Variants in LRMDA observed in about 807,000 individuals in gnomAD.
The protein encoded by LRMDA is leucine rich melanocyte differentiation associated.
A neutral mutation model predicts 29.8 loss-of-function variants in LRMDA; 18 were observed. The observed-to-expected ratio is 0.60, with a 90% CI of 0.42 to 0.90. The LOEUF (loss-of-function observed/expected upper bound fraction) is 0.90, where lower values mean the gene tolerates loss of function less well. Among genes scored for constraint, LRMDA ranks in the 40% least tolerant of loss-of-function variants. The pLI, the probability that LRMDA is intolerant of heterozygous loss-of-function variation, is 0.00. For missense variants in LRMDA, 273 were observed against 273.9 expected, an observed-to-expected ratio of 1.00 and a Z score of 0.02; for synonymous variants, 125 against 109.4, an observed-to-expected ratio of 1.14 and a Z score of -0.89.
intron 2 of LRMDA, among the ~76,000 whole-genome samples, chr10:75,473,487 C>G (rs1199397899): frequency 6.6e-6 from 1 of 152,236 alleles, no homozygotes; most frequent in Non-Finnish European, 1.5e-5. Context: ...GCCTTGCATG[C>G]CAGTCTTGCG....
At chr10:75,762,892 ACT>A (rs1477245055) in intron 2 of LRMDA, among the ~76,000 whole-genome samples, 1 of 151,998 alleles carries the variant, frequency 6.6e-6, no homozygotes, top group Non-Finnish European at 1.5e-5. Context: ...TTTCTACCAC[ACT>A]CTGCCAGTGG....
At chr10:76,086,719 C>T (rs1010216943) in intron 5 of LRMDA, among the ~76,000 whole-genome samples, 2 of 152,138 alleles carry the variant, frequency 1.3e-5, no homozygotes, top group African/African-American at 4.8e-5. Context: ...AGAACTTGAG[C>T]TTTCAGTCCT....
intron 6 of LRMDA, among the ~76,000 whole-genome samples, chr10:76,412,934 C>G (rs1314598216): frequency 6.6e-6 from 1 of 152,078 alleles, no homozygotes; most frequent in Non-Finnish European, 1.5e-5. Context: ...CTCCTAGTCC[C>G]CTGACTTCCT....
chr10:76,308,228 AC>A (rs1283164380), intron 5 of LRMDA, among the ~76,000 whole-genome samples: 1 of 152,086 alleles, frequency 6.6e-6, no homozygotes, highest in Non-Finnish European at 1.5e-5. Flanking sequence ...GGTCCCTTCA[AC>A]CTTCTCTTTA....
At chr10:75,729,792 T>G (rs1484021956) in intron 2 of LRMDA, among the ~76,000 whole-genome samples, 9 of 152,114 alleles carry the variant, frequency 5.9e-5, no homozygotes, top group Admixed American at 5.9e-4. Context: ...TTGTTGTTGT[T>G]TTTGTTGTTA....
chr10:75,915,058 A>C (rs1292111180), intron 2 of LRMDA, among the ~76,000 whole-genome samples: 1 of 149,202 alleles, frequency 6.7e-6, no homozygotes, highest in Admixed American at 6.7e-5. Flanking sequence ...CTATAGCTTT[A>C]TATTATAATG....
At chr10:76,300,502 T>C (rs1304308680) in intron 5 of LRMDA, among the ~76,000 whole-genome samples, 1 of 152,228 alleles carries the variant, frequency 6.6e-6, no homozygotes, top group Non-Finnish European at 1.5e-5. Flanking sequence ...TGTGTTCTCA[T>C]CTGTCTAATA....
At chr10:76,540,955 TATGTGGAA>T (rs1843347085) in intron 6 of LRMDA, among the ~76,000 whole-genome samples, 1 of 152,180 alleles carries the variant, frequency 6.6e-6, no homozygotes, top group Non-Finnish European at 1.5e-5. Flanking sequence ...CCCAGTGGTA[TATGTGGAA>T]ATTCTTGCTG....
intron 2 of LRMDA, among the ~76,000 whole-genome samples, chr10:75,848,833 G>T (rs530509818): frequency 6.6e-6 from 1 of 152,136 alleles, no homozygotes; most frequent in Non-Finnish European, 1.5e-5. Flanking sequence ...TTCTCTTTGG[G>T]AGGGAAAAGT....
intron 2 of LRMDA, among the ~76,000 whole-genome samples, chr10:75,752,140 A>G (rs1322167797): frequency 6.6e-6 from 1 of 150,836 alleles, no homozygotes; most frequent in Non-Finnish European, 1.5e-5. Context: ...TGATACTTAG[A>G]CATATGATTC....
At chr10:76,094,059 A>G (rs1260544460) in intron 5 of LRMDA, among the ~76,000 whole-genome samples, 1 of 152,202 alleles carries the variant, frequency 6.6e-6, no homozygotes, top group Non-Finnish European at 1.5e-5. Context: ...AAGGTAGTAA[A>G]TATGGGTTTG....
In LRMDA at chr10:75,482,702, G is replaced by A. The variant is rs117082223; in HGVS notation, c.131+44208G>A. 2.8e-3 allele frequency among the ~76,000 whole-genome samples: 432 copies of A among 152,216 alleles called. 18 individuals are homozygous for A. The East Asian group carries it at 0.059, about 21-fold the overall frequency. On this transcript the variant is annotated intron_variant, in intron 2 of 6. Transcript: ENST00000611255. ...ATCGTAGGAGTTTACTGGTTCTGGCGAAATCAGCCCACTGCCAGGGGTATA... is the reference window on the plus strand; with the variant it reads ...ATCGTAGGAGTTTACTGGTTCTGGCAAAATCAGCCCACTGCCAGGGGTATA...
chr10:75,993,990 G>A (rs1847416723), intron 2 of LRMDA, among the ~76,000 whole-genome samples: 1 of 152,106 alleles, frequency 6.6e-6, no homozygotes, highest in Admixed American at 6.5e-5. Context: ...TTTTATCAGG[G>A]CTTTTCTCTG....
chr10:75,610,627 G>T (rs1841017359), intron 2 of LRMDA, among the ~76,000 whole-genome samples: 1 of 152,216 alleles, frequency 6.6e-6, no homozygotes, highest in Admixed American at 6.5e-5. Flanking sequence ...ATCATGGCCA[G>T]AGACTTTATG....
chr10:76,345,571 CA>C (rs1416838422), intron 6 of LRMDA, among the ~76,000 whole-genome samples: 1 of 150,874 alleles, frequency 6.6e-6, no homozygotes, highest in African/African-American at 2.4e-5. Flanking sequence ...AAAGGTGGGA[CA>C]ATAAGAATCT....
intron 2 of LRMDA, among the ~76,000 whole-genome samples, chr10:75,572,336 CA>C (rs1840447513): frequency 6.6e-6 from 1 of 151,258 alleles, no homozygotes; most frequent in South Asian, 2.1e-4. Context: ...TCTTCTTTTT[CA>C]GCTTTTTTTT....
At chr10:76,057,936 C>T (rs1848643337) in intron 4 of LRMDA, among the ~76,000 whole-genome samples, 1 of 152,130 alleles carries the variant, frequency 6.6e-6, no homozygotes, top group African/African-American at 2.4e-5. Flanking sequence ...CCATATATAC[C>T]TATTTGAGGA....
chr10:76,320,868 T>A (rs1218385017), intron 5 of LRMDA, among the ~76,000 whole-genome samples: 4 of 152,234 alleles, frequency 2.6e-5, no homozygotes, highest in Non-Finnish European at 5.9e-5. Context: ...GTGTACATTT[T>A]AAAATAATTT....
intron 6 of LRMDA, among the ~76,000 whole-genome samples, chr10:76,448,442 G>A (rs1188912191): frequency 6.6e-6 from 1 of 152,046 alleles, no homozygotes; most frequent in African/African-American, 2.4e-5. Context: ...GATACATAAT[G>A]AAACATTTTG....
Sources: allele counts gnomAD v4.1 joint callset (sites outside exome capture counted in the v4.1 genomes callset), GRCh38; gene constraint gnomAD v4.1.1; transcripts MANE v1.5; gene names NCBI Gene and HGNC (gene_info 2026-07-23, HGNC 2026-07-21).